The following TSTD2 variants were observed in gnomAD, a reference collection of about 807,000 sequenced individuals.
TSTD2 encodes thiosulfate sulfurtransferase/rhodanese-like domain-containing protein 2.
Under a neutral mutation model 47.9 loss-of-function variants are expected in TSTD2, and 37 were observed. The observed-to-expected ratio is 0.77, with a 90% CI of 0.59 to 1.02. The LOEUF (loss-of-function observed/expected upper bound fraction) is 1.02, where lower values mean the gene tolerates loss of function less well. TSTD2 is among the 50% of genes least tolerant of loss of function. The pLI is 0.00. For missense variants in TSTD2, 586 were observed against 616.0 expected (o/e 0.95, Z 0.52); for synonymous variants, 201 against 215.9 (o/e 0.93, Z 0.61).
Position 97,604,709 on chromosome 9 carries a change from G to C in TSTD2, c.1252+18C>G, listed in dbSNP as rs1246184640. The C allele has an allele frequency of 1.1e-5, 18 of 1,613,858 alleles. No homozygotes were observed. In the East Asian group the frequency reaches 4.0e-4, roughly 36 times the overall value. ...TGTGCTTCATTTCAGTTTGGGCTCT[G>C]AGCCTGTGCTGACCTACCTGACACC... On this transcript the variant is annotated intron_variant, in intron 9 of 9. Transcript: ENST00000341170.
At chr9:97,606,345 G>T in intron 6 of TSTD2, 84 bp from the exon 7 acceptor site, 1 of 747,662 alleles carries the variant, frequency 1.3e-6, no homozygotes, top group Non-Finnish European at 2.2e-6. Context: ...TGACTTACGT[G>T]TTGCTTTGTT....
chr9:97,601,239 T>A lies in TSTD2; in HGVS notation c.*1230A>T, dbSNP rs1826251498. 10 of 1,258,552 alleles carry A rather than the reference T, an allele frequency of 7.9e-6. No homozygotes were observed. Among genetic ancestry groups the A allele is most frequent in the Non-Finnish European group, 1.0e-5 (10 of 963,766 alleles). 78.0% of individuals were successfully genotyped at this position (1,258,552 alleles called of 1,614,324 possible). On this transcript the variant is annotated 3_prime_UTR_variant, in exon 10 of 10. Transcript: ENST00000341170. ...CTGAAAACTGCAATATAATATTAAA[T>A]CTGTTGGTCTATGCATGGCTGCGTA...
At chr9:97,625,362 A>G (rs1826701967) in intron 3 of TSTD2, among the ~76,000 whole-genome samples, 1 of 152,146 alleles carries the variant, frequency 6.6e-6, no homozygotes, top group Non-Finnish European at 1.5e-5. Flanking sequence ...GTTTTTTGTT[A>G]TTATGAATAA....
Position 97,617,791 on chromosome 9 carries a change from G to C in TSTD2, c.569C>G (p.Thr190Arg). The stretch of plus-strand genomic sequence containing the variant: ...GAGGTGCAGGTGCTGACACAGAGCT[G>C]TCTGCCAGGCACAGATCCATTGGGG... ...EDPQWICAWQ[T>R]ALCQHLHLTG... The change falls in exon 4 of 10, where the codon ACA becomes AGA. Residue 190 changes from threonine to arginine, a missense_variant. Transcript: ENST00000341170. 1 of 1,614,128 alleles carries C rather than the reference G, an allele frequency of 6.2e-7. No homozygotes were observed. The highest frequency in any genetic ancestry group is 8.5e-7 in the Non-Finnish European group (1 of 1,180,002).
chr9:97,612,718 G>A (rs1002242246), intron 4 of TSTD2, among the ~76,000 whole-genome samples: 1 of 152,242 alleles, frequency 6.6e-6, no homozygotes, highest in Non-Finnish European at 1.5e-5. Flanking sequence ...ACCAAGCCCA[G>A]CTAATGTTCG....
At chr9:97,623,436 T>G (rs142724210) in intron 3 of TSTD2, among the ~76,000 whole-genome samples, 40 of 152,386 alleles carry the variant, frequency 2.6e-4, no homozygotes, top group African/African-American at 8.7e-4. Context: ...AACCCTTTTT[T>G]AAGCTCTGAC....
chr9:97,605,547 C>G lies in TSTD2; in HGVS notation c.1049G>C (p.Arg350Thr), dbSNP rs139574256. The G allele has an allele frequency of 9.9e-6, 16 of 1,614,222 alleles. No homozygotes were observed. Among genetic ancestry groups the G allele is most frequent in the Middle Eastern group, 1.7e-4 (1 of 6,056 alleles). Residue 350 changes from arginine to threonine, a missense_variant, in exon 8 of 10, where the codon AGA becomes ACA. Arg to Thr is a moderately conservative substitution (Grantham distance 71). Coordinates refer to ENST00000341170, the MANE Select transcript of TSTD2 (RefSeq NM_139246.5). ...GCCCCCGGTACAGTACATCAGCACT[C>G]TCTTCTCTCTGAAAAGTTCTAGATT... ...DKNLELFREKRVLMYCTGGIR... is the reference protein window; with the variant it reads ...DKNLELFREKTVLMYCTGGIR...
Position 97,605,507 on chromosome 9 carries a change from C to G in TSTD2, c.1089G>C (p.Arg363=), listed in dbSNP as rs1488583503. ...MYCTGGIRCE[R]GSAYLKAKGV... is the part of the protein sequence containing the mutation. ...CCTTGGCTTTGAGGTAGGCTGAACC[C>G]CGCTCACAGCGGATGCCCCCGGTAC... The change falls in exon 8 of 10, where the codon CGG becomes CGC. Residue 363 remains arginine, a synonymous_variant. Coordinates refer to ENST00000341170, the MANE Select transcript of TSTD2 (RefSeq NM_139246.5). 1 of 1,613,886 alleles carries G rather than the reference C, an allele frequency of 6.2e-7. No homozygotes were observed. The highest frequency in any genetic ancestry group is 8.5e-7 in the Non-Finnish European group (1 of 1,179,936).
intron 9 of TSTD2, 132 bp downstream of exon 9, chr9:97,604,595 T>G: frequency 2.3e-6 from 3 of 1,328,556 alleles, no homozygotes; most frequent in East Asian, 2.4e-5. Flanking sequence ...GGTGGCACAA[T>G]GTACTTATTT....
intron 3 of TSTD2, among the ~76,000 whole-genome samples, chr9:97,623,195 T>A (rs1402305357): frequency 1.3e-5 from 2 of 152,216 alleles, no homozygotes; most frequent in Admixed American, 6.5e-5. Context: ...GTTCTTGTGA[T>A]AGTAAGTCTC....
At chr9:97,602,873 G>A (rs888596338) in intron 9 of TSTD2, 106 bp from the exon 10 acceptor site, 44 of 1,193,130 alleles carry the variant, frequency 3.7e-5, no homozygotes, top group Middle Eastern at 2.0e-4. Flanking sequence ...TGTGGAACCC[G>A]GGGAAGGTTT....
chr9:97,606,334 C>G (rs1243037518), intron 6 of TSTD2, 73 bp from the exon 7 acceptor site: 3 of 832,740 alleles, frequency 3.6e-6, no homozygotes, highest in Non-Finnish European at 5.8e-6. Flanking sequence ...CTCACCCAGC[C>G]TGACTTACGT....
At position 97,627,436 on chromosome 9, in the gene TSTD2, C is replaced by A. The variant is rs1826740847; in HGVS notation, c.127G>T (p.Gly43Cys). ...PSSSLKAELD[G>C]STKKKYSFAK... ...AACGAGTATTTCTTTTTTGTACTGC[C>A]ATCTAATTCTGCTTTAAGACTGCTG... Residue 43 changes from glycine to cysteine, a missense_variant, in exon 2 of 10, where the codon GGC (glycine) becomes TGC (cysteine). Coordinates refer to ENST00000341170, the MANE Select transcript of TSTD2 (RefSeq NM_139246.5). 6.2e-7 allele frequency: 1 copy of A among 1,604,382 alleles called. No individual in the cohort carries two copies. The highest frequency in any genetic ancestry group is 1.3e-5 in the African/African-American group (1 of 74,560).
chr9:97,603,840 A>G (rs1306647806), intron 9 of TSTD2, among the ~76,000 whole-genome samples: 2 of 152,110 alleles, frequency 1.3e-5, no homozygotes, highest in African/African-American at 2.4e-5. Flanking sequence ...TCTGGTACAC[A>G]CCACCATGCT....
chr9:97,608,300 G>A (rs1826400268), intron 6 of TSTD2, among the ~76,000 whole-genome samples: 1 of 152,202 alleles, frequency 6.6e-6, no homozygotes, highest in East Asian at 1.9e-4. Context: ...TACTGGCCCT[G>A]AGAACGATTG....
rs141612023 is a variant in TSTD2 at position 97,612,828 on chromosome 9, T to C, written c.604-1129A>G. Among the ~76,000 whole-genome samples the C allele has an allele frequency of 4.8e-3, 724 of 152,378 alleles. 2 individuals carry two copies. The highest frequency in any genetic ancestry group is 7.7e-3 in the Non-Finnish European group (527 of 68,048). ...GCCTTGGCCTCCCAAAGTGCTGGGA[T>C]TACAGGCACAAGCCACCGTGCCCAG... On this transcript the variant is annotated intron_variant, in intron 4 of 9. Transcript: ENST00000341170.
Position 97,601,017 on chromosome 9 carries a change from T to C in TSTD2, c.*1452A>G. The C allele has an allele frequency of 7.7e-7, 1 of 1,291,384 alleles. No homozygotes were observed. The highest frequency in any genetic ancestry group is 1.0e-6 in the Non-Finnish European group (1 of 981,816). 80.0% of individuals were successfully genotyped at this position (1,291,384 alleles called of 1,614,324 possible). A position where few individuals can be genotyped will look rare whatever the true frequency, so the allele number is the denominator to read the frequency against. ...GAGCACTGAGCAGAGAGGCTGGTGATGAAAAGGTGAAGGCCTGCGCACTGA... is the reference window on the plus strand; with the variant it reads ...GAGCACTGAGCAGAGAGGCTGGTGACGAAAAGGTGAAGGCCTGCGCACTGA... On this transcript the variant is annotated 3_prime_UTR_variant, in exon 10 of 10. Transcript: ENST00000341170.
At chr9:97,602,855 G>A in intron 9 of TSTD2, 88 bp from the exon 10 acceptor site, 8 of 1,370,194 alleles carry the variant, frequency 5.8e-6, no homozygotes, top group Non-Finnish European at 6.9e-6. Context: ...CTAGAATCTC[G>A]TAGATCCTGT....
intron 3 of TSTD2, among the ~76,000 whole-genome samples, chr9:97,620,118 C>T (rs2131314052): frequency 6.6e-6 from 1 of 152,288 alleles, no homozygotes; most frequent in Non-Finnish European, 1.5e-5. Context: ...CTCACAATTC[C>T]CACGTGTCAT....
Sources: gnomAD v4.1 joint callset for allele counts (sites outside exome capture counted in the v4.1 genomes callset) on GRCh38, gnomAD v4.1.1 for gene constraint, MANE v1.5 for transcripts, NCBI Gene and HGNC (gene_info 2026-07-23, HGNC 2026-07-21) for gene names.